The following RBFOX1 variants were observed in gnomAD, a reference collection of about 807,000 sequenced individuals.
RBFOX1 encodes the protein RNA binding protein fox-1 homolog 1.
A neutral mutation model predicts 57.7 loss-of-function variants in RBFOX1; 8 were observed. The ratio of observed to expected loss-of-function variants is 0.14; its 90% CI spans 0.08 to 0.25. The LOEUF is 0.25. Among genes scored for constraint, RBFOX1 ranks in the 10% least tolerant of loss-of-function variants. The pLI is 1.00. For synonymous variants in RBFOX1, 326 were observed against 222.4 expected (o/e 1.47, Z -4.15); for missense variants, 611 against 548.5 (o/e 1.11, Z -1.14).
intron 3 of RBFOX1, among the ~76,000 whole-genome samples, chr16:6,788,359 T>C (rs1003109758): frequency 1.3e-5 from 2 of 152,204 alleles, no homozygotes; most frequent in Non-Finnish European, 2.9e-5. Flanking sequence ...TGGTGAGGCA[T>C]GTAACTACCT....
chr16:6,295,036 A>G (rs576463093), intron 1 of RBFOX1, among the ~76,000 whole-genome samples: 21 of 149,844 alleles, frequency 1.4e-4, no homozygotes, highest in African/African-American at 5.2e-4. Flanking sequence ...TTTCCACTAT[A>G]CTCTCTTTCT....
At chr16:7,025,705 C>T (rs892052090) in intron 3 of RBFOX1, among the ~76,000 whole-genome samples, 13 of 152,078 alleles carry the variant, frequency 8.5e-5, no homozygotes, top group African/African-American at 2.7e-4. Context: ...TGGAGCCTGC[C>T]GCACTGCCAG....
At chr16:7,616,747 G>A (rs1004274348) in intron 10 of RBFOX1, among the ~76,000 whole-genome samples, 51 of 152,158 alleles carry the variant, frequency 3.4e-4, no homozygotes, top group African/African-American at 1.2e-3. Context: ...AGCCAGGCTG[G>A]TCTTGAACTC....
chr16:5,738,635 GAAA>G (rs61011633), intron 3 of RBFOX1, among the ~76,000 whole-genome samples: 1 of 61,188 alleles, frequency 1.6e-5, no homozygotes, highest in Admixed American at 1.9e-4. Flanking sequence ...CTCTGTCTCA[GAAA>G]AAAAAAAAAA....
chr16:7,479,722 G>A (rs949421056), intron 4 of RBFOX1, among the ~76,000 whole-genome samples: 1 of 152,090 alleles, frequency 6.6e-6, no homozygotes, highest in African/African-American at 2.4e-5. Context: ...TGGAGGGGGG[G>A]CAGGTGTAGG....
At chr16:6,061,469 A>G (rs902701022) in intron 1 of RBFOX1, among the ~76,000 whole-genome samples, 2 of 151,934 alleles carry the variant, frequency 1.3e-5, no homozygotes, top group African/African-American at 4.8e-5. Context: ...ATATGTATAC[A>G]TCTATTTTCA....
chr16:7,626,950 C>G lies in RBFOX1; in HGVS notation c.677-3653C>G, dbSNP rs544941693. 1.2e-4 allele frequency among the ~76,000 whole-genome samples: 18 copies of G among 152,112 alleles called. No homozygotes were observed. In the South Asian group the frequency reaches 1.5e-3, roughly 12 times the overall value. On this transcript the variant is annotated intron_variant, in intron 10 of 15. Coordinates refer to ENST00000550418, the MANE Select transcript of RBFOX1 (RefSeq NM_018723.4). ...AGGTGGATTTTGTAGTTCAGACGAC[C>G]AATGTCTAAGTAGAAAATTGTAGTA...
intron 2 of RBFOX1, among the ~76,000 whole-genome samples, chr16:5,515,846 G>C (rs2043771837): frequency 1.3e-5 from 2 of 152,114 alleles, no homozygotes; most frequent in African/African-American, 4.8e-5. Flanking sequence ...AGATTCTGAG[G>C]CACAGTGCTA....
intron 2 of RBFOX1, among the ~76,000 whole-genome samples, chr16:6,434,580 A>G (rs767224851): frequency 1.2e-4 from 18 of 152,190 alleles, no homozygotes; most frequent in Non-Finnish European, 2.2e-4. Context: ...CTAAAATAGA[A>G]TTCAGTCTAT....
intron 4 of RBFOX1, among the ~76,000 whole-genome samples, chr16:7,127,945 A>T (rs1386759078): frequency 1.3e-5 from 2 of 152,222 alleles, no homozygotes; most frequent in Non-Finnish European, 2.9e-5. Flanking sequence ...ATTGGCTTAC[A>T]CAACTGCAAA....
intron 1 of RBFOX1, among the ~76,000 whole-genome samples, chr16:5,350,653 G>A (rs2065242515): frequency 6.6e-6 from 1 of 152,194 alleles, no homozygotes; most frequent in Non-Finnish European, 1.5e-5. Context: ...ATCACCTGAA[G>A]TCAGAAGTTT....
chr16:6,505,155 C>T (rs1380024393), intron 2 of RBFOX1, among the ~76,000 whole-genome samples: 2 of 152,074 alleles, frequency 1.3e-5, no homozygotes, highest in African/African-American at 4.8e-5. Context: ...GGTTTCTGCC[C>T]TAGTTATGCA....
intron 3 of RBFOX1, among the ~76,000 whole-genome samples, chr16:6,839,781 G>T (rs115096927): frequency 0.012 from 1,815 of 152,322 alleles, 51 homozygotes; most frequent in African/African-American, 0.042. Context: ...GATGTAGAAA[G>T]TGGATTGTAG....
chr16:7,316,534 G>C (rs2096442999), intron 4 of RBFOX1, among the ~76,000 whole-genome samples: 2 of 152,172 alleles, frequency 1.3e-5, no homozygotes, highest in African/African-American at 4.8e-5. Context: ...TCATTGAAGG[G>C]ATACAGACAA....
chr16:7,593,049 A>G (rs1226857232), intron 7 of RBFOX1, among the ~76,000 whole-genome samples: 2 of 151,210 alleles, frequency 1.3e-5, no homozygotes, highest in Non-Finnish European at 2.9e-5. Context: ...TCCTGGGCTC[A>G]AGTGATCCTC....
At chr16:6,574,708 G>A (rs1373790866) in intron 2 of RBFOX1, among the ~76,000 whole-genome samples, 7 of 100 alleles carry the variant, frequency 0.07, no homozygotes, top group African/African-American at 0.18. Context: ...GATTACAGGC[G>A]TGACTACCGC....
chr16:7,015,414 G>C (rs2093860198), intron 3 of RBFOX1, among the ~76,000 whole-genome samples: 2 of 152,164 alleles, frequency 1.3e-5, no homozygotes, highest in African/African-American at 2.4e-5. Context: ...CCGTATTATA[G>C]ACTTATGGAA....
chr16:5,998,483 G>A (rs185439657), intron 4 of RBFOX1, among the ~76,000 whole-genome samples: 4 of 152,292 alleles, frequency 2.6e-5, no homozygotes, highest in East Asian at 1.9e-4. Flanking sequence ...AAGAGGCTTC[G>A]GACATTTCTA....
In RBFOX1 at chr16:7,173,620, A is replaced by G. The variant is rs1234733424; in HGVS notation, c.27+121522A>G. On this transcript the variant is annotated intron_variant, in intron 4 of 15. Transcript: ENST00000550418. ...TTCAACTGCAATATTCAGAAACACC[A>G]GGGAAAGAGCAGTAAAGATATTAGG... Among the ~76,000 whole-genome samples the G allele has an allele frequency of 3.9e-5, 6 of 152,298 alleles. No homozygotes were observed. The South Asian group carries it at 8.3e-4, about 21-fold the overall frequency.
Sources: allele counts gnomAD v4.1 joint callset (sites outside exome capture counted in the v4.1 genomes callset), GRCh38; gene constraint gnomAD v4.1.1; transcripts MANE v1.5; gene names NCBI Gene and HGNC (gene_info 2026-07-23, HGNC 2026-07-21).